Variants in SYT8 observed in about 807,000 individuals in gnomAD.
The protein encoded by SYT8 is synaptotagmin 8, also known as synaptotagmin-8.
A neutral mutation model predicts 34.9 loss-of-function variants in SYT8; 50 were observed. That is an observed-to-expected ratio of 1.43 (90% CI 1.14 to 1.81). The LOEUF is 1.81. SYT8 is among the 40% of genes most tolerant of loss of function. The pLI is 0.00. For missense variants in SYT8, 595 were observed against 529.0 expected, an observed-to-expected ratio of 1.12 and a Z score of -1.22; for synonymous variants, 255 against 234.2, an observed-to-expected ratio of 1.09 and a Z score of -0.81.
In SYT8 at chr11:1,836,143, G is replaced by A; in HGVS notation, c.375G>A (p.Arg125=). 1 of 1,504,622 alleles carries A rather than the reference G, an allele frequency of 6.6e-7. No individual in the cohort carries two copies. The highest frequency in any genetic ancestry group is 8.9e-7 in the Non-Finnish European group (1 of 1,127,358). The allele number at this position is 1,504,622 out of a possible 1,614,324, so 93.2% of individuals were successfully genotyped here. The change falls in exon 4 of 8, where the codon AGG becomes AGA. Residue 125 remains arginine (R), a synonymous_variant. Coordinates refer to ENST00000341958, the MANE Select transcript of SYT8 (RefSeq NM_001394072.1). ...FGSQEIRVGL[R]QAADLRPGGT... ...GCTCCCAGATCAGGGTGGGCCTGAG[G>A]CAGGCAGCCGACCTGAGGCCTGGGG...
chr11:1,837,062 C>T lies in SYT8; in HGVS notation c.896C>T (p.Thr299Ile), dbSNP rs1285150943. ...TAAPYFNEAF[T>I]FLVPFSQVQN... ...GCCCCCTACTTCAATGAGGCCTTCA[C>T]CTTCCTGGTGCCCTTCAGCCAGGTC... The change falls in exon 7 of 8, where the codon ACC becomes ATC. Residue 299 changes from threonine (T) to isoleucine (I), a missense_variant. By Grantham distance (89) the Thr-to-Ile change is moderately conservative (BLOSUM62 -1). Transcript: ENST00000341958. 1.2e-6 allele frequency: 2 copies of T among 1,613,818 alleles called. No individual in the cohort carries two copies. The highest frequency in any genetic ancestry group is 1.1e-5 in the South Asian group (1 of 91,090).
Position 1,837,298 on chromosome 11 carries a change from ACTGGGCAGACATG to A in SYT8, c.1036_1048del (p.Ala346ProfsTer?). 6.3e-7 allele frequency: 1 copy of A among 1,591,514 alleles called. No individual in the cohort carries two copies. The highest frequency in any genetic ancestry group is 2.2e-5 in the East Asian group (1 of 44,582). On this transcript the variant is annotated frameshift_variant, in exon 8 of 8. Transcript: ENST00000341958. LOFTEE classifies it low-confidence loss of function (END_TRUNC). ...CGGGCCTCGGGGCAGCCCCTGCAGC[ACTGGGCAGACATG>A]CTGGCCCACGCCCGGCGGCCCATTG...
intron 2 of SYT8, 101 bp from the exon 3 acceptor site, chr11:1,835,785 G>A (rs1054708940): frequency 3.9e-5 from 41 of 1,042,928 alleles, no homozygotes; most frequent in South Asian, 3.6e-4. Context: ...GCCTGGAGGC[G>A]GGGGGTCTTG....
At position 1,836,798 on chromosome 11, in the gene SYT8, C is replaced by A; in HGVS notation, c.727C>A (p.Pro243Thr). ...GCTGTGCTTCTCTCTCCGGTACGTG[C>A]CCAGCTCAGGCCGGCTGACCGTGGT... is the stretch of plus-strand genomic sequence containing the variant. ...GELCFSLRYV[P>T]SSGRLTVVVL... Residue 243 changes from proline (P) to threonine (T), a missense_variant, in exon 6 of 8, where the codon CCC (proline) becomes ACC (threonine). Physicochemically the swap from Pro to Thr is conservative, Grantham distance 38 (BLOSUM62 -1). Coordinates refer to ENST00000341958, the MANE Select transcript of SYT8 (RefSeq NM_001394072.1). The A allele has an allele frequency of 1.2e-6, 2 of 1,611,096 alleles. No homozygotes were observed. Among genetic ancestry groups the A allele is most frequent in the Non-Finnish European group, 8.5e-7 (1 of 1,179,966 alleles).
upstream of SYT8, chr11:1,834,113 G>A (rs1283245812): frequency 5.4e-6 from 1 of 185,334 alleles, no homozygotes; most frequent in Non-Finnish European, 1.1e-5. The surrounding 1 kb of genome is among the most constrained non-coding windows in gnomAD (Gnocchi z 4.5). Flanking sequence ...AGCGGGTGGA[G>A]TCAGGGAAGA....
chr11:1,836,892 C>T (rs960445996), intron 6 of SYT8, 31 bp downstream of exon 6: 1 of 1,612,588 alleles, frequency 6.2e-7, no homozygotes, highest in Non-Finnish European at 8.5e-7. Flanking sequence ...CGTTGTTGTA[C>T]AGAGGGGGGG....
chr11:1,831,810 C>T (rs745373288), upstream of SYT8: 1 of 455,562 alleles, frequency 2.2e-6, no homozygotes, highest in East Asian at 7.0e-5. Flanking sequence ...TCACCAGAGG[C>T]AGTGCTGTCC....
intron 6 of SYT8, 23 bp downstream of exon 6, chr11:1,836,884 T>G: frequency 6.2e-7 from 1 of 1,612,598 alleles, no homozygotes; most frequent in Non-Finnish European, 8.5e-7. Context: ...CCTGCCCACG[T>G]TGTTGTACAG....
At chr11:1,836,087 G>A (rs754497936) in intron 3 of SYT8, 39 bp from the exon 4 acceptor site, 14 of 1,540,072 alleles carry the variant, frequency 9.1e-6, no homozygotes, top group Non-Finnish European at 8.7e-6. Flanking sequence ...AGCTGACAGG[G>A]CAGGGGCCCT....
chr11:1,836,540 TGCA>T lies in SYT8; in HGVS notation c.636_638del (p.Gln212del). On this transcript the variant is annotated inframe_deletion, in exon 5 of 8. Transcript: ENST00000341958. ...CGTCTGCCACTGGGCACCGTGGATC[TGCA>T]GCATGTTCTGGAGCACTGGTACCTG... 1 of 1,612,704 alleles carries T rather than the reference TGCA, an allele frequency of 6.2e-7. No individual in the cohort carries two copies. The highest frequency in any genetic ancestry group is 1.7e-4 in the Middle Eastern group (1 of 6,030).
In SYT8 at chr11:1,836,520, G is replaced by A. The variant is rs1976635615; in HGVS notation, c.612G>A (p.Leu204=). The change falls in exon 5 of 8, where the codon CTG becomes CTA. Residue 204 remains leucine, a synonymous_variant. Coordinates refer to ENST00000341958, the MANE Select transcript of SYT8 (RefSeq NM_001394072.1). ...ATGAGCCCCTGGGTGAGCTCCGTCT[G>A]CCACTGGGCACCGTGGATCTGCAGC... ...SGHEPLGELR[L]PLGTVDLQHV... 1 of 1,612,708 alleles carries A rather than the reference G, an allele frequency of 6.2e-7. No homozygotes were observed. The highest frequency in any genetic ancestry group is 8.5e-7 in the Non-Finnish European group (1 of 1,179,926).
rs746692786 is a variant in SYT8, at chr11:1,835,875, A to G, written c.259-11A>G. ...TCAGCACCACCTGCCCCTTGTCCCA[A>G]CTCACTCCAGGTGCAACCTGATGTG... On this transcript the variant is annotated splice_polypyrimidine_tract_variant and intron_variant, in intron 2 of 7. Coordinates refer to ENST00000341958, the MANE Select transcript of SYT8 (RefSeq NM_001394072.1). 6.2e-7 allele frequency: 1 copy of G among 1,610,378 alleles called. No individual in the cohort carries two copies. The highest frequency in any genetic ancestry group is 8.5e-7 in the Non-Finnish European group (1 of 1,177,752).
chr11:1,835,941 GGT>G lies in SYT8; in HGVS notation c.316_317del (p.Cys106ProfsTer47). 6.2e-7 allele frequency: 1 copy of G among 1,609,624 alleles called. No homozygotes were observed. The highest frequency in any genetic ancestry group is 1.3e-5 in the African/African-American group (1 of 74,802). On this transcript the variant is annotated frameshift_variant, in exon 3 of 8. Transcript: ENST00000341958. LOFTEE classifies it high-confidence loss of function. Reference sequence around the variant, plus strand: ...AGCCCGGGGGATGCTCAGCAATGGGGGTGCCTGCAGCTCTCCCTGGAGTTCGA... The same window carrying G: ...AGCCCGGGGGATGCTCAGCAATGGGGGCCTGCAGCTCTCCCTGGAGTTCGA...
At chr11:1,834,654 C>A, upstream of SYT8, 1 of 1,555,096 alleles carries the variant, frequency 6.4e-7, no homozygotes. The surrounding 1 kb of genome is among the most constrained non-coding windows in gnomAD (Gnocchi z 4.5). Flanking sequence ...GTGATGGGAC[C>A]GCAGAGATGA....
rs1846851375 is a variant in SYT8 at position 1,835,373 on chromosome 11, T to C, written c.172T>C (p.Cys58Arg). 6.2e-7 allele frequency: 1 copy of C among 1,607,130 alleles called. No individual in the cohort carries two copies. The highest frequency in any genetic ancestry group is 8.5e-7 in the Non-Finnish European group (1 of 1,178,796). ...LVSCLLCAAC[C>R]CCRRHRKKPR... Reference sequence around the variant, plus strand: ...CTCCTGCCTCCTCTGTGCTGCCTGCTGCTGCTGCCGCCGCCACAGGAAGAA... The same window carrying C: ...CTCCTGCCTCCTCTGTGCTGCCTGCCGCTGCTGCCGCCGCCACAGGAAGAA... Residue 58 changes from cysteine (C) to arginine (R), a missense_variant, in exon 2 of 8, where the codon TGC (cysteine) becomes CGC (arginine). Physicochemically the swap from Cys to Arg is radical, Grantham distance 180. Coordinates refer to ENST00000341958, the MANE Select transcript of SYT8 (RefSeq NM_001394072.1).
rs1846998907 is a variant in SYT8 at position 1,837,234 on chromosome 11, C to T, written c.967C>T (p.Leu323Phe). Residue 323 changes from leucine to phenylalanine, a missense_variant, in exon 8 of 8, where the codon CTC (leucine) becomes TTC (phenylalanine). Leu to Phe is a conservative substitution (Grantham distance 22). Coordinates refer to ENST00000341958, the MANE Select transcript of SYT8 (RefSeq NM_001394072.1). ...GGCTGTCTGGGACCGCAGCCTGCCG[C>T]TCCGAACTGAGCCCGTAGGCAAGGT... Reference protein sequence around the residue: ...VLAVWDRSLPLRTEPVGKVHL... With the variant: ...VLAVWDRSLPFRTEPVGKVHL... The T allele has an allele frequency of 6.3e-7, 1 of 1,577,352 alleles. No individual in the cohort carries two copies. Among genetic ancestry groups the T allele is most frequent in the South Asian group, 1.2e-5 (1 of 86,502 alleles).
At chr11:1,835,521 C>G in intron 2 of SYT8, 62 bp downstream of exon 2, 1 of 1,586,352 alleles carries the variant, frequency 6.3e-7, no homozygotes, top group Non-Finnish European at 8.6e-7. Context: ...CTCCAGAGCC[C>G]AGGGCAGCGA....
At chr11:1,834,689 C>T, upstream of SYT8, 1 of 1,416,694 alleles carries the variant, frequency 7.1e-7, no homozygotes, top group Non-Finnish European at 9.8e-7. The surrounding 1 kb of genome is among the most constrained non-coding windows in gnomAD (Gnocchi z 4.5). Flanking sequence ...AGATGGGACC[C>T]CCAGGCAGGG....
chr11:1,832,892 G>A (rs185326503), upstream of SYT8, among the ~76,000 whole-genome samples: 1 of 152,160 alleles, frequency 6.6e-6, no homozygotes, highest in African/African-American at 2.4e-5. Context: ...ACTAAAGGAG[G>A]GGGGACGCCA....
Sources: gnomAD v4.1 joint callset for allele counts (sites outside exome capture counted in the v4.1 genomes callset) on GRCh38, gnomAD v4.1.1 for gene constraint, Gnocchi (gnomAD v3.1) non-coding constraint, MANE v1.5 for transcripts, NCBI Gene and HGNC (gene_info 2026-07-23, HGNC 2026-07-21) for gene names.